The following NKAIN3 variants were observed in gnomAD, a reference collection of about 807,000 sequenced individuals.
NKAIN3 encodes the protein sodium/potassium-transporting ATPase subunit beta-1-interacting protein 3.
A neutral mutation model predicts 30.2 loss-of-function variants in NKAIN3; 25 were observed. The ratio of observed to expected loss-of-function variants is 0.83; its 90% CI spans 0.60 to 1.16. The LOEUF is 1.16. NKAIN3 is among the 50% of genes most tolerant of loss of function. NKAIN3 has a pLI of 0.00. For missense variants in NKAIN3, 225 were observed against 254.1 expected (o/e 0.89, Z 0.78); for synonymous variants, 91 against 89.6 (o/e 1.02, Z -0.09).
chr8:62,555,084 G>A (rs927870221), intron 1 of NKAIN3, among the ~76,000 whole-genome samples: 1 of 150,644 alleles, frequency 6.6e-6, no homozygotes, highest in South Asian at 2.1e-4. Flanking sequence ...AGATGGATAT[G>A]TCATTTTGCT....
rs148601250 is a variant in NKAIN3 at position 62,957,812 on chromosome 8, C to G, written c.603+3840C>G. ...TATTTCAGCATACATTTGTCCAAAC[C>G]CATGGAATGTACAACACCAAGAGTG... On this transcript the variant is annotated intron_variant, in intron 6 of 6. Transcript: ENST00000623646. 5.3e-3 allele frequency among the ~76,000 whole-genome samples: 805 copies of G among 152,172 alleles called. 11 individuals carry two copies. The highest frequency in any genetic ancestry group is 0.019 in the African/African-American group (782 of 41,484).
rs1007353729 is a variant in NKAIN3 at position 62,980,284 on chromosome 8, T to G, written c.*14877T>G. ...CACTTTTTAACTGCCTCACATACTATCATTTCTTTGACAATTCTTTTTAAA... is the reference window on the plus strand; with the variant it reads ...CACTTTTTAACTGCCTCACATACTAGCATTTCTTTGACAATTCTTTTTAAA... On this transcript the variant is annotated 3_prime_UTR_variant, in exon 7 of 7. Transcript: ENST00000623646. The G allele has an allele frequency of 6.6e-6, 1 of 152,196 alleles. No individual in the cohort carries two copies. The highest frequency in any genetic ancestry group is 1.5e-5 in the Non-Finnish European group (1 of 68,030). The allele number at this position is 152,196 out of a possible 1,614,324, so 9.4% of individuals were successfully genotyped here.
At chr8:62,873,861 A>AT (rs1205790020) in intron 4 of NKAIN3, among the ~76,000 whole-genome samples, 2 of 152,150 alleles carry the variant, frequency 1.3e-5, no homozygotes, top group Non-Finnish European at 2.9e-5. Context: ...TTATAGCACT[A>AT]AATGCCCACA....
chr8:62,255,849 C>G (rs1421578602), intron 1 of NKAIN3, among the ~76,000 whole-genome samples: 1 of 152,144 alleles, frequency 6.6e-6, no homozygotes, highest in East Asian at 1.9e-4. Flanking sequence ...TTCTGAACAA[C>G]AGTGGCTCAG....
At chr8:62,285,175 C>T (rs1813340145) in intron 1 of NKAIN3, among the ~76,000 whole-genome samples, 1 of 152,126 alleles carries the variant, frequency 6.6e-6, no homozygotes, top group Non-Finnish European at 1.5e-5. Context: ...ATCTAGGTTT[C>T]ACTAGAAAAG....
At chr8:62,567,869 A>G (rs975271863) in intron 1 of NKAIN3, among the ~76,000 whole-genome samples, 28 of 152,178 alleles carry the variant, frequency 1.8e-4, no homozygotes, top group African/African-American at 6.3e-4. Context: ...ATAAAGTAAT[A>G]TAAGTTTTGG....
intron 1 of NKAIN3, among the ~76,000 whole-genome samples, chr8:62,458,334 G>A (rs971547675): frequency 2.0e-5 from 3 of 152,126 alleles, no homozygotes; most frequent in Non-Finnish European, 2.9e-5. Context: ...AAATAATCAC[G>A]CTAAGTATAT....
At chr8:62,860,681 T>C (rs951815221) in intron 4 of NKAIN3, among the ~76,000 whole-genome samples, 12 of 152,342 alleles carry the variant, frequency 7.9e-5, no homozygotes, top group Admixed American at 7.2e-4. Flanking sequence ...CTTGTCCATA[T>C]GCAATGCTGT....
intron 4 of NKAIN3, among the ~76,000 whole-genome samples, chr8:62,883,456 G>GGTTGTTGTTTTTTT (rs1353393524): frequency 5.8e-5 from 1 of 17,228 alleles, no homozygotes; most frequent in East Asian, 7.4e-3. Context: ...GAGTTTTATG[G>GGTTGTTGTTTTTTT]GTTTTTTTTT....
chr8:62,431,639 T>C (rs577917636), intron 1 of NKAIN3, among the ~76,000 whole-genome samples: 1 of 151,872 alleles, frequency 6.6e-6, no homozygotes, highest in Non-Finnish European at 1.5e-5. Flanking sequence ...GCCCAAGGCT[T>C]GTATCTCAAA....
At chr8:62,992,827 G>A (rs960202552) in intron 5 of NKAIN3, among the ~76,000 whole-genome samples, 3 of 150,370 alleles carry the variant, frequency 2.0e-5, no homozygotes, top group Non-Finnish European at 4.4e-5. Context: ...TTTTTTTCTG[G>A]TTGGGGAAAG....
At chr8:62,939,087 C>T (rs914110063) in intron 5 of NKAIN3, among the ~76,000 whole-genome samples, 1 of 151,952 alleles carries the variant, frequency 6.6e-6, no homozygotes, top group Non-Finnish European at 1.5e-5. Flanking sequence ...ATGAAGGACA[C>T]ACTTAGAGAA....
At chr8:62,736,530 T>A (rs1448241361) in intron 3 of NKAIN3, among the ~76,000 whole-genome samples, 4 of 152,120 alleles carry the variant, frequency 2.6e-5, no homozygotes, top group Non-Finnish European at 2.9e-5. Context: ...TCTCACCATG[T>A]CACCGTGCCC....
rs554431054 is a variant in NKAIN3, at chr8:62,930,112, G to A, written c.532+11599G>A. On this transcript the variant is annotated intron_variant, in intron 5 of 6. Coordinates refer to ENST00000623646, the MANE Select transcript of NKAIN3 (RefSeq NM_001304533.3). ...TTAAGTGTACAACTCAGTGGCATTAGGTACATTCAGAGTGTTGTGCGACCA... is the reference window on the plus strand; with the variant it reads ...TTAAGTGTACAACTCAGTGGCATTAAGTACATTCAGAGTGTTGTGCGACCA... Among the ~76,000 whole-genome samples the A allele has an allele frequency of 2.6e-5, 4 of 152,230 alleles. No individual in the cohort carries two copies. The South Asian group carries it at 6.2e-4, about 24-fold the overall frequency.
intron 4 of NKAIN3, among the ~76,000 whole-genome samples, chr8:62,918,244 C>G (rs1822167153): frequency 6.6e-6 from 1 of 152,142 alleles, no homozygotes. Context: ...GTTTCTTCCC[C>G]CATTTCTGTG....
At chr8:62,739,555 G>A (rs1815794593) in intron 3 of NKAIN3, among the ~76,000 whole-genome samples, 1 of 151,444 alleles carries the variant, frequency 6.6e-6, no homozygotes, top group Non-Finnish European at 1.5e-5. Flanking sequence ...AGTTTATTTT[G>A]GTGCAAAAAA....
chr8:62,880,980 G>C (rs971721477), intron 4 of NKAIN3, among the ~76,000 whole-genome samples: 1 of 152,062 alleles, frequency 6.6e-6, no homozygotes, highest in Admixed American at 6.6e-5. Flanking sequence ...GGGGTTTATG[G>C]AAACTCTCTG....
At chr8:62,416,355 C>G (rs1804444256) in intron 1 of NKAIN3, among the ~76,000 whole-genome samples, 1 of 152,112 alleles carries the variant, frequency 6.6e-6, no homozygotes, top group African/African-American at 2.4e-5. Context: ...CTTCCCTTGC[C>G]TTGGCTTTCC....
chr8:62,762,201 A>T (rs899748823), intron 4 of NKAIN3, among the ~76,000 whole-genome samples: 7 of 152,260 alleles, frequency 4.6e-5, no homozygotes, highest in Admixed American at 1.3e-4. Flanking sequence ...CTGTAATCCC[A>T]GCTACCTGGG....
Sources: gnomAD v4.1 joint callset for allele counts (sites outside exome capture counted in the v4.1 genomes callset) on GRCh38, gnomAD v4.1.1 for gene constraint, MANE v1.5 for transcripts, NCBI Gene and HGNC (gene_info 2026-07-23, HGNC 2026-07-21) for gene names.